Variants in KLHL1 observed in about 807,000 individuals in gnomAD.
KLHL1 encodes the protein kelch like family member 1.
KLHL1 carries 47 observed loss-of-function variants against 77.7 expected under a neutral mutation model. The ratio of observed to expected loss-of-function variants is 0.60; its 90% CI spans 0.48 to 0.77. The LOEUF (loss-of-function observed/expected upper bound fraction) is 0.77. Among genes scored for constraint, KLHL1 ranks in the 30% least tolerant of loss-of-function variants. The pLI, the probability that KLHL1 is intolerant of heterozygous loss-of-function variation, is 0.00. For missense variants in KLHL1, 925 were observed against 910.8 expected (o/e 1.02, Z -0.20); for synonymous variants, 360 against 325.2 (o/e 1.11, Z -1.15).
At chr13:70,104,146 T>C (rs1306292916) in intron 1 of KLHL1, among the ~76,000 whole-genome samples, 1 of 152,182 alleles carries the variant, frequency 6.6e-6, no homozygotes, top group African/African-American at 2.4e-5. Flanking sequence ...AAATATATGG[T>C]TATCTGAATA....
chr13:69,767,565 G>A (rs188157805), intron 7 of KLHL1, among the ~76,000 whole-genome samples: 374 of 151,520 alleles, frequency 2.5e-3, no homozygotes, highest in Middle Eastern at 3.4e-3. Flanking sequence ...AGTAAATATC[G>A]GTCTATACTA....
chr13:69,954,274 A>G lies in KLHL1; in HGVS notation c.817+7034T>C, dbSNP rs1048038236. 2.0e-5 allele frequency among the ~76,000 whole-genome samples: 3 copies of G among 151,282 alleles called. No individual in the cohort carries two copies. In the East Asian group the frequency reaches 5.8e-4, roughly 29 times the overall value. ...AGTTCTACACACTACACTTACAAAT[A>G]CAAAGGAATAAAGTGTATAAGTATT... On this transcript the variant is annotated intron_variant, in intron 3 of 10. Transcript: ENST00000377844.
intron 1 of KLHL1, among the ~76,000 whole-genome samples, chr13:70,096,240 C>T (rs779281306): frequency 3.2e-4 from 48 of 151,930 alleles, no homozygotes; most frequent in Non-Finnish European, 6.2e-4. Context: ...TATGGTAGTT[C>T]TATTTTTAGT....
chr13:69,813,503 C>CACACACACACACACACACACACACAT (rs34163072), intron 6 of KLHL1, among the ~76,000 whole-genome samples: 4 of 148,840 alleles, frequency 2.7e-5, no homozygotes, highest in African/African-American at 1.0e-4. Flanking sequence ...CACACACACA[C>CACACACACACACACACACACACACAT]ATATATATAT....
chr13:69,823,295 C>T lies in KLHL1; in HGVS notation c.1414+15681G>A, dbSNP rs929912407. 2.6e-5 allele frequency among the ~76,000 whole-genome samples: 4 copies of T among 152,028 alleles called. No individual in the cohort carries two copies. The East Asian group carries it at 7.7e-4, about 29-fold the overall frequency. On this transcript the variant is annotated intron_variant, in intron 6 of 10. Coordinates refer to ENST00000377844, the MANE Select transcript of KLHL1 (RefSeq NM_020866.3). ...TTACTCTCATTTTGCATATGAGAAA[C>T]ACCAACATTTAAAATACTTAATTAC...
chr13:69,828,925 C>A (rs947027199), intron 6 of KLHL1, among the ~76,000 whole-genome samples: 1 of 150,288 alleles, frequency 6.7e-6, no homozygotes, highest in Non-Finnish European at 1.5e-5. Context: ...AGTCTGAGCT[C>A]AGATATGCCT....
At chr13:69,730,332 A>G (rs1332041324) in intron 8 of KLHL1, among the ~76,000 whole-genome samples, 1 of 151,882 alleles carries the variant, frequency 6.6e-6, no homozygotes, top group East Asian at 1.9e-4. Context: ...AGTGAATAAG[A>G]TAATGAAAGG....
At chr13:69,988,088 T>G (rs560253295) in intron 1 of KLHL1, among the ~76,000 whole-genome samples, 23 of 151,776 alleles carry the variant, frequency 1.5e-4, no homozygotes, top group African/African-American at 5.6e-4. Context: ...TAGCTTTTTT[T>G]TGGCGGGGGG....
At chr13:69,994,930 C>T (rs1350360010) in intron 1 of KLHL1, among the ~76,000 whole-genome samples, 1 of 152,074 alleles carries the variant, frequency 6.6e-6, no homozygotes, top group African/African-American at 2.4e-5. Flanking sequence ...TTTTAAAGCT[C>T]TCTGCTAAGC....
In KLHL1 at chr13:70,095,362, G is replaced by A. The variant is rs74093245; in HGVS notation, c.497+11841C>T. ...ACTATCAGGAATTGACTACATAATT[G>A]TGGAACCTATTGGAAAATAAAATTA... On this transcript the variant is annotated intron_variant, in intron 1 of 10. Transcript: ENST00000377844. Among the ~76,000 whole-genome samples the A allele has an allele frequency of 5.2e-3, 787 of 152,216 alleles. 6 individuals are homozygous for A. The highest frequency in any genetic ancestry group is 0.018 in the African/African-American group (752 of 41,548).
At chr13:69,999,796 T>C (rs540568284) in intron 1 of KLHL1, among the ~76,000 whole-genome samples, 24 of 152,162 alleles carry the variant, frequency 1.6e-4, no homozygotes, top group African/African-American at 5.5e-4. Context: ...ACAAGATGTA[T>C]ATGGAATGGA....
intron 5 of KLHL1, among the ~76,000 whole-genome samples, chr13:69,861,579 T>C (rs1880161163): frequency 1.3e-5 from 2 of 151,848 alleles, no homozygotes; most frequent in South Asian, 2.1e-4. Flanking sequence ...CACGCACATA[T>C]ATGCAATGTT....
At chr13:70,086,244 T>C (rs117660601) in intron 1 of KLHL1, among the ~76,000 whole-genome samples, 1 of 151,020 alleles carries the variant, frequency 6.6e-6, no homozygotes, top group East Asian at 2.0e-4. Flanking sequence ...GAAGTTCGTA[T>C]CTCAGCCCCA....
intron 6 of KLHL1, among the ~76,000 whole-genome samples, chr13:69,808,089 C>T (rs536186765): frequency 6.6e-6 from 1 of 152,036 alleles, no homozygotes; most frequent in Non-Finnish European, 1.5e-5. Context: ...GAAGGCAACA[C>T]CACTGAAGCC....
At chr13:69,942,330 A>G (rs949648549) in intron 3 of KLHL1, among the ~76,000 whole-genome samples, 32 of 152,164 alleles carry the variant, frequency 2.1e-4, no homozygotes, top group Middle Eastern at 3.4e-3. Flanking sequence ...ATAAGACTTT[A>G]GGAAAAATGT....
At chr13:69,799,046 G>A (rs1877258318) in intron 6 of KLHL1, among the ~76,000 whole-genome samples, 1 of 151,846 alleles carries the variant, frequency 6.6e-6, no homozygotes, top group African/African-American at 2.4e-5. Context: ...CTGAGATCGT[G>A]CCACTGCACT....
intron 1 of KLHL1, among the ~76,000 whole-genome samples, chr13:70,105,569 CAGATAAATACTTAACCT>C (rs1443181058): frequency 1.3e-5 from 2 of 151,244 alleles, no homozygotes; most frequent in African/African-American, 4.8e-5. Context: ...AAAATAGTAA[CAGATAAATACTTAACCT>C]AGTTTCCTTT....
At chr13:69,774,257 T>G (rs899277190) in intron 7 of KLHL1, among the ~76,000 whole-genome samples, 1 of 151,972 alleles carries the variant, frequency 6.6e-6, no homozygotes, top group Non-Finnish European at 1.5e-5. Context: ...AAGATGAAAT[T>G]GTTTCAAAAG....
In KLHL1 at chr13:69,708,355, G is replaced by C. The variant is rs150477494; in HGVS notation, c.2016-559C>G. 2.6e-5 allele frequency among the ~76,000 whole-genome samples: 4 copies of C among 152,132 alleles called. No homozygotes were observed. The East Asian group carries it at 7.7e-4, about 29-fold the overall frequency. Reference sequence around the variant, plus strand: ...TCCGCTTTGAGGAAACAGTTAAGTAGTGTGACTAAGTTCAAGAAAGACTGA... The same window carrying C: ...TCCGCTTTGAGGAAACAGTTAAGTACTGTGACTAAGTTCAAGAAAGACTGA... On this transcript the variant is annotated intron_variant, in intron 9 of 10. Transcript: ENST00000377844.
Sources: allele counts gnomAD v4.1 joint callset (sites outside exome capture counted in the v4.1 genomes callset), GRCh38; gene constraint gnomAD v4.1.1; transcripts MANE v1.5; gene names NCBI Gene and HGNC (gene_info 2026-07-23, HGNC 2026-07-21).